The following ERBB4 variants were observed in gnomAD, a reference collection of about 807,000 sequenced individuals.
The protein encoded by ERBB4 is receptor tyrosine-protein kinase erbB-4.
A neutral mutation model predicts 158.0 loss-of-function variants in ERBB4; 42 were observed. The ratio of observed to expected loss-of-function variants is 0.27; its 90% CI spans 0.21 to 0.34. The LOEUF is 0.34. ERBB4 is among the 10% of genes least tolerant of loss of function. ERBB4 has a pLI of 1.00. For missense variants in ERBB4, 1,333 were observed against 1,624.1 expected (o/e 0.82, Z 3.08); for synonymous variants, 583 against 558.7 (o/e 1.04, Z -0.61).
Position 211,928,883 on chromosome 2 carries a change from C to G in ERBB4, c.421+18547G>C, listed in dbSNP as rs189455304. Among the ~76,000 whole-genome samples, 323 of 152,218 alleles carry G rather than the reference C, an allele frequency of 2.1e-3. 1 individual carries two copies. Among genetic ancestry groups the G allele is most frequent in the African/African-American group, 7.4e-3 (307 of 41,532 alleles). The stretch of plus-strand genomic sequence containing the variant: ...AATCTAAAGCTCCAAAAACAATGAG[C>G]TAGGTGTAAGTTTGGGGTGACACAA... On this transcript the variant is annotated intron_variant, in intron 3 of 27. Transcript: ENST00000342788.
rs187108752 is a variant in ERBB4, at chr2:212,335,926, C to T, written c.82+202523G>A. 9.0e-3 allele frequency among the ~76,000 whole-genome samples: 1,364 copies of T among 151,978 alleles called. 16 individuals carry two copies. The highest frequency in any genetic ancestry group is 0.031 in the African/African-American group (1,273 of 41,490). ...AAATTGAGCAAAATTAAAAAGGTATCCCTAATTCAAGTCTACTCACAGTCT... is the reference window on the plus strand; with the variant it reads ...AAATTGAGCAAAATTAAAAAGGTATTCCTAATTCAAGTCTACTCACAGTCT... On this transcript the variant is annotated intron_variant, in intron 1 of 27. Coordinates refer to ENST00000342788, the MANE Select transcript of ERBB4 (RefSeq NM_005235.3).
intron 4 of ERBB4, among the ~76,000 whole-genome samples, chr2:211,767,628 A>C (rs1334925495): frequency 1.3e-5 from 2 of 152,180 alleles, no homozygotes; most frequent in Non-Finnish European, 1.5e-5. Flanking sequence ...ATCCATCTTC[A>C]CATGGTGGTA....
intron 1 of ERBB4, among the ~76,000 whole-genome samples, chr2:212,524,857 A>T (rs186300451): frequency 1.1e-3 from 169 of 152,202 alleles, no homozygotes; most frequent in Non-Finnish European, 1.7e-3. Flanking sequence ...TATATGTAAC[A>T]GTAATATTTA....
intron 1 of ERBB4, among the ~76,000 whole-genome samples, chr2:212,482,258 G>A (rs1170091795): frequency 6.6e-6 from 1 of 152,166 alleles, no homozygotes; most frequent in Non-Finnish European, 1.5e-5. Flanking sequence ...CCATGCCGCT[G>A]ATTGAATGTG....
intron 1 of ERBB4, among the ~76,000 whole-genome samples, chr2:212,367,949 T>G (rs1028074998): frequency 6.6e-6 from 1 of 152,076 alleles, no homozygotes; most frequent in African/African-American, 2.4e-5. Context: ...TTGGTGTGGA[T>G]GCGGTGAATA....
At chr2:212,517,198 A>G (rs1691899273) in intron 1 of ERBB4, among the ~76,000 whole-genome samples, 1 of 152,144 alleles carries the variant, frequency 6.6e-6, no homozygotes, top group African/African-American at 2.4e-5. Context: ...TCCTTTCTTT[A>G]TACAACATTT....
At chr2:211,898,634 A>T (rs935020386) in intron 3 of ERBB4, among the ~76,000 whole-genome samples, 17 of 152,210 alleles carry the variant, frequency 1.1e-4, no homozygotes, top group African/African-American at 1.9e-4. Context: ...AAATGTTTTT[A>T]AAAAATGCAC....
At chr2:212,064,886 ATTG>A (rs1441684393) in intron 2 of ERBB4, among the ~76,000 whole-genome samples, 1 of 151,994 alleles carries the variant, frequency 6.6e-6, no homozygotes, top group Non-Finnish European at 1.5e-5. Flanking sequence ...TGATTTTGTA[ATTG>A]TTGTTAACAG....
At chr2:211,940,053 T>C (rs925341050) in intron 3 of ERBB4, among the ~76,000 whole-genome samples, 2 of 152,018 alleles carry the variant, frequency 1.3e-5, no homozygotes, top group Non-Finnish European at 2.9e-5. Flanking sequence ...ATTCCTACTG[T>C]TTCCAGTCCT....
chr2:212,222,594 T>C (rs892048146), intron 1 of ERBB4, among the ~76,000 whole-genome samples: 1 of 150,780 alleles, frequency 6.6e-6, no homozygotes. Context: ...CGCCTGGTTT[T>C]CATGACACCA....
intron 8 of ERBB4, 72 bp downstream of exon 8, chr2:211,713,463 C>T (rs1439006842): frequency 2.1e-5 from 19 of 903,484 alleles, no homozygotes; most frequent in Non-Finnish European, 2.0e-5. Context: ...AAAAGTTGGT[C>T]TACTTAAAAG....
intron 1 of ERBB4, among the ~76,000 whole-genome samples, chr2:212,273,959 C>A (rs531890460): frequency 6.6e-6 from 1 of 151,794 alleles, no homozygotes; most frequent in Admixed American, 6.6e-5. Flanking sequence ...ACTTCTGACT[C>A]CCACAAAACT....
intron 4 of ERBB4, among the ~76,000 whole-genome samples, chr2:211,776,508 T>C (rs1023860166): frequency 5.3e-5 from 8 of 152,160 alleles, no homozygotes; most frequent in African/African-American, 1.9e-4. Context: ...GATACTTGCA[T>C]GTGTAATCTT....
In ERBB4 at chr2:212,146,986, C is replaced by CTTTTTTTTTTTTTTTTTTTTTTTTTTTTT. The variant is rs34029473; in HGVS notation, c.83-22084_83-22083insAAAAAAAAAAAAAAAAAAAAAAAAAAAAA. ...GAGAAGCTCTGTTGTCATTGTTAGA[C>CTTTTTTTTTTTTTTTTTTTTTTTTTTTTT]TTTTTTTTTTTTTTTTTTTTTTGAG... On this transcript the variant is annotated intron_variant, in intron 1 of 27. Coordinates refer to ENST00000342788, the MANE Select transcript of ERBB4 (RefSeq NM_005235.3). Among the ~76,000 whole-genome samples the CTTTTTTTTTTTTTTTTTTTTTTTTTTTTT allele has an allele frequency of 3.9e-5, 3 of 77,452 alleles. 1 individual carries two copies. The highest frequency in any genetic ancestry group is 6.8e-5 in the Non-Finnish European group (3 of 44,016). The allele number at this position is 77,452 out of a possible 152,430, so 50.8% of individuals were successfully genotyped here.
At chr2:211,467,566 C>T (rs551081275) in intron 20 of ERBB4, among the ~76,000 whole-genome samples, 1 of 152,220 alleles carries the variant, frequency 6.6e-6, no homozygotes, top group East Asian at 1.9e-4. Flanking sequence ...TAAATATCTT[C>T]CCTGGAAAGT....
intron 3 of ERBB4, among the ~76,000 whole-genome samples, chr2:211,822,235 C>G (rs1325860418): frequency 2.0e-5 from 3 of 151,756 alleles, no homozygotes; most frequent in African/African-American, 7.3e-5. Context: ...TGTTCTACAG[C>G]ACTGTAGGAT....
intron 1 of ERBB4, among the ~76,000 whole-genome samples, chr2:212,307,372 C>CAA (rs11451976): frequency 0.047 from 6,860 of 146,834 alleles, 183 homozygotes; most frequent in Admixed American, 0.086. Flanking sequence ...TGACTATTGG[C>CAA]AAAAAAAAAA....
chr2:212,006,428 T>A (rs2076261653), intron 2 of ERBB4, among the ~76,000 whole-genome samples: 2 of 152,116 alleles, frequency 1.3e-5, no homozygotes, highest in Admixed American at 6.6e-5. Context: ...AAGCATATAA[T>A]TATATTTCTA....
chr2:212,128,608 C>T (rs1432266605), intron 1 of ERBB4, among the ~76,000 whole-genome samples: 1 of 152,106 alleles, frequency 6.6e-6, no homozygotes, highest in Non-Finnish European at 1.5e-5. Flanking sequence ...TGAATATTGG[C>T]CCCACCTGCT....
Sources: allele counts gnomAD v4.1 joint callset (sites outside exome capture counted in the v4.1 genomes callset), GRCh38; gene constraint gnomAD v4.1.1; transcripts MANE v1.5; gene names NCBI Gene and HGNC (gene_info 2026-07-23, HGNC 2026-07-21).